Variants in ITGAM observed in about 807,000 individuals in gnomAD.
ITGAM encodes the protein integrin alpha-M.
Under a neutral mutation model 137.5 loss-of-function variants are expected in ITGAM, and 79 were observed. That is an observed-to-expected ratio of 0.57 (90% CI 0.48 to 0.69). The LOEUF (loss-of-function observed/expected upper bound fraction) is 0.69, where lower values mean the gene tolerates loss of function less well. Among genes scored for constraint, ITGAM ranks in the 30% least tolerant of loss-of-function variants. ITGAM has a pLI of 0.00. For synonymous variants in ITGAM, 583 were observed against 592.3 expected, an observed-to-expected ratio of 0.98 and a Z score of 0.23; for missense variants, 1,343 against 1,483.5, an observed-to-expected ratio of 0.91 and a Z score of 1.56.
At chr16:31,319,881 C>T (rs11859349) in intron 14 of ITGAM, among the ~76,000 whole-genome samples, 21,576 of 151,602 alleles carry the variant, frequency 0.14, 1,713 homozygotes, top group South Asian at 0.2. Context: ...GGTGCGATCT[C>T]GGCTCACTGC....
chr16:31,331,319 G>T (rs774256841), intron 29 of ITGAM, 44 bp downstream of exon 29: 11 of 1,100,054 alleles, frequency 1.0e-5, no homozygotes, highest in Non-Finnish European at 1.5e-5. Flanking sequence ...ATCCTCTCGG[G>T]CCTCGCGCTG....
chr16:31,282,388 T>G (rs2079979336), intron 12 of ITGAM, among the ~76,000 whole-genome samples: 1 of 152,150 alleles, frequency 6.6e-6, no homozygotes. Flanking sequence ...ACTTGCTTTA[T>G]GAATCTGGGT....
chr16:31,280,889 C>G (rs12716985), intron 12 of ITGAM, among the ~76,000 whole-genome samples: 5 of 152,022 alleles, frequency 3.3e-5, no homozygotes, highest in Middle Eastern at 6.3e-3. Context: ...TGAGATACGT[C>G]CCATCAATAC....
chr16:31,328,548 C>T (rs1043401459), intron 23 of ITGAM, among the ~76,000 whole-genome samples: 4 of 145,616 alleles, frequency 2.7e-5, no homozygotes, highest in Non-Finnish European at 1.5e-5. Context: ...TGTATTTGTG[C>T]GTGTGTGTGA....
intron 12 of ITGAM, among the ~76,000 whole-genome samples, chr16:31,284,627 G>A (rs376537617): frequency 1.2e-4 from 18 of 152,244 alleles, no homozygotes; most frequent in Admixed American, 3.9e-4. Flanking sequence ...TCTCTGTCAC[G>A]GCTTCCCTTG....
At chr16:31,281,434 T>C (rs1444758720) in intron 12 of ITGAM, among the ~76,000 whole-genome samples, 7 of 152,222 alleles carry the variant, frequency 4.6e-5, no homozygotes, top group Non-Finnish European at 8.8e-5. Flanking sequence ...AACTTCTTCC[T>C]GGTTTAGTCT....
In ITGAM at chr16:31,271,883, C is replaced by T. The variant is rs1001843168; in HGVS notation, c.595C>T (p.His199Tyr). Residue 199 changes from histidine (H) to tyrosine (Y), a missense_variant, in exon 7 of 30, where the codon CAC becomes TAC. His to Tyr is a moderately conservative substitution (Grantham distance 83, BLOSUM62 2). Coordinates refer to ENST00000544665, the MANE Select transcript of ITGAM (RefSeq NM_000632.4). ...LMQYSEEFRI[H>Y]FTFKEFQNNP... is the part of the protein sequence containing the mutation. ...GCAGTACTCTGAAGAATTCCGGATTCACTTTACCTTCAAAGAGTTCCAGAA... is the reference window on the plus strand; with the variant it reads ...GCAGTACTCTGAAGAATTCCGGATTTACTTTACCTTCAAAGAGTTCCAGAA... 5.0e-6 allele frequency: 8 copies of T among 1,614,040 alleles called. No individual in the cohort carries two copies. The highest frequency in any genetic ancestry group is 6.8e-6 in the Non-Finnish European group (8 of 1,179,900).
intron 5 of ITGAM, among the ~76,000 whole-genome samples, chr16:31,268,973 A>G (rs1376903643): frequency 3.3e-5 from 5 of 152,192 alleles, no homozygotes; most frequent in Non-Finnish European, 5.9e-5. Context: ...TAGAGAAAGA[A>G]TAATTCACAC....
At chr16:31,317,726 T>C (rs981098405) in intron 14 of ITGAM, among the ~76,000 whole-genome samples, 4 of 152,236 alleles carry the variant, frequency 2.6e-5, no homozygotes, top group African/African-American at 4.8e-5. Context: ...ATTTATTGAT[T>C]TGCATATGTT....
chr16:31,273,797 C>T (rs2079877858), intron 8 of ITGAM: 3 of 283,852 alleles, frequency 1.1e-5, no homozygotes, highest in Admixed American at 5.1e-5. Flanking sequence ...TGGCAGGCTG[C>T]TCTGCTGATC....
At chr16:31,298,998 C>T (rs1293211231) in intron 14 of ITGAM, among the ~76,000 whole-genome samples, 1 of 152,140 alleles carries the variant, frequency 6.6e-6, no homozygotes, top group African/African-American at 2.4e-5. Context: ...TCTTTCCCAC[C>T]ATAGCCACCT....
intron 14 of ITGAM, among the ~76,000 whole-genome samples, chr16:31,317,027 TC>T (rs2080399892): frequency 6.6e-6 from 1 of 152,186 alleles, no homozygotes; most frequent in Non-Finnish European, 1.5e-5. Flanking sequence ...ATATATAAGA[TC>T]ATGTCAATTG....
At chr16:31,327,999 G>A (rs2080526088) in intron 22 of ITGAM, 148 bp from the exon 23 acceptor site, 4 of 658,164 alleles carry the variant, frequency 6.1e-6, no homozygotes, top group African/African-American at 5.4e-5. Context: ...TGGGCTAGGC[G>A]GGGGCAGGGG....
At chr16:31,283,795 A>G (rs1057049851) in intron 12 of ITGAM, among the ~76,000 whole-genome samples, 8 of 152,228 alleles carry the variant, frequency 5.3e-5, no homozygotes, top group Admixed American at 4.6e-4. Context: ...TTGGAGGAGA[A>G]GAGGTGCTCT....
chr16:31,331,624 T>G lies in ITGAM; in HGVS notation c.3388-12T>G. 1 of 1,415,506 alleles carries G rather than the reference T, an allele frequency of 7.1e-7. No homozygotes were observed. Among genetic ancestry groups the G allele is most frequent in the South Asian group, 1.2e-5 (1 of 86,318 alleles). The allele number at this position is 1,415,506 out of a possible 1,614,324, so 87.7% of individuals were successfully genotyped here. On this transcript the variant is annotated splice_polypyrimidine_tract_variant and intron_variant, in intron 29 of 29. Coordinates refer to ENST00000544665, the MANE Select transcript of ITGAM (RefSeq NM_000632.4). Reference sequence around the variant, plus strand: ...GCTGCTGTCGCTCTCACTGCCCTCCTCTGCCCCGCAGCTCGGCTTCTTCAA... The same window carrying G: ...GCTGCTGTCGCTCTCACTGCCCTCCGCTGCCCCGCAGCTCGGCTTCTTCAA...
chr16:31,316,026 C>G (rs1204604256), intron 14 of ITGAM, among the ~76,000 whole-genome samples: 2 of 21,048 alleles, frequency 9.5e-5, no homozygotes, highest in African/African-American at 7.5e-4. Context: ...AACCCCGTCT[C>G]TACTAAAAAT....
intron 7 of ITGAM, among the ~76,000 whole-genome samples, chr16:31,272,671 A>G (rs2079864531): frequency 1.3e-5 from 2 of 149,322 alleles, no homozygotes; most frequent in African/African-American, 4.9e-5. Flanking sequence ...TTTAGTAGAG[A>G]CAGGGTTTCA....
intron 6 of ITGAM, among the ~76,000 whole-genome samples, chr16:31,271,553 A>G (rs2079840079): frequency 6.6e-6 from 1 of 152,070 alleles, no homozygotes; most frequent in African/African-American, 2.4e-5. Flanking sequence ...GGGTTTCACC[A>G]TTTTGGCCAG....
intron 14 of ITGAM, among the ~76,000 whole-genome samples, chr16:31,304,349 T>C (rs549681863): frequency 6.6e-6 from 1 of 152,298 alleles, no homozygotes; most frequent in Admixed American, 6.5e-5. Flanking sequence ...GAGTTCCTTA[T>C]AGTTTCTGGA....
Sources: allele counts gnomAD v4.1 joint callset (sites outside exome capture counted in the v4.1 genomes callset), GRCh38; gene constraint gnomAD v4.1.1; transcripts MANE v1.5; gene names NCBI Gene and HGNC (gene_info 2026-07-23, HGNC 2026-07-21).